The following TMEM178B variants were observed in gnomAD, a reference collection of about 807,000 sequenced individuals.
TMEM178B encodes transmembrane protein 178B.
Under a neutral mutation model 31.0 loss-of-function variants are expected in TMEM178B, and 5 were observed. That is an observed-to-expected ratio of 0.16 (90% CI 0.08 to 0.34). The LOEUF (loss-of-function observed/expected upper bound fraction) is 0.34. Among genes scored for constraint, TMEM178B ranks in the 10% least tolerant of loss-of-function variants. TMEM178B has a pLI of 1.00. For synonymous variants in TMEM178B, 164 were observed against 164.0 expected (o/e 1.00, Z 0.00); for missense variants, 275 against 400.3 (o/e 0.69, Z 2.67).
intron 1 of TMEM178B, among the ~76,000 whole-genome samples, chr7:141,094,535 T>G (rs1218149152): frequency 6.6e-6 from 1 of 152,192 alleles, no homozygotes; most frequent in Non-Finnish European, 1.5e-5. Flanking sequence ...GGTGATTGGT[T>G]GGACATTCTG....
intron 1 of TMEM178B, among the ~76,000 whole-genome samples, chr7:141,104,025 T>C (rs890804617): frequency 1.3e-5 from 2 of 152,222 alleles, no homozygotes; most frequent in African/African-American, 4.8e-5. Context: ...TGTTCTCACC[T>C]ACCCCCTGCC....
chr7:141,302,509 C>T (rs533150560), intron 2 of TMEM178B, among the ~76,000 whole-genome samples: 4 of 151,878 alleles, frequency 2.6e-5, no homozygotes, highest in Non-Finnish European at 5.9e-5. Flanking sequence ...AGGGAATGGG[C>T]AGTTATTGTT....
At chr7:141,349,968 C>G (rs549787233) in intron 2 of TMEM178B, among the ~76,000 whole-genome samples, 72 of 113,576 alleles carry the variant, frequency 6.3e-4, no homozygotes, top group Middle Eastern at 5.1e-3. Flanking sequence ...TCCATCCATC[C>G]ATCCATCCAT....
At chr7:141,127,187 C>T (rs191683022) in intron 1 of TMEM178B, among the ~76,000 whole-genome samples, 8 of 152,238 alleles carry the variant, frequency 5.3e-5, no homozygotes, top group Admixed American at 4.6e-4. Flanking sequence ...TGCAAGGGAT[C>T]GAGCTCTTTT....
At chr7:141,168,629 G>A (rs983980234) in intron 1 of TMEM178B, among the ~76,000 whole-genome samples, 8 of 152,070 alleles carry the variant, frequency 5.3e-5, no homozygotes, top group Non-Finnish European at 4.4e-5. Context: ...AATTACCTGG[G>A]TGTGGTGGCG....
At chr7:141,278,507 C>T (rs566909517) in intron 2 of TMEM178B, among the ~76,000 whole-genome samples, 3 of 150,766 alleles carry the variant, frequency 2.0e-5, no homozygotes, top group South Asian at 2.1e-4. Context: ...TGCTTGAACT[C>T]GGGAGGCGGA....
At chr7:141,272,848 T>C (rs540883930) in intron 2 of TMEM178B, among the ~76,000 whole-genome samples, 1 of 152,394 alleles carries the variant, frequency 6.6e-6, no homozygotes, top group South Asian at 2.1e-4. Context: ...CCTACCGTTC[T>C]ATCTAGCAAT....
At chr7:141,164,048 T>G (rs2129182000) in intron 1 of TMEM178B, among the ~76,000 whole-genome samples, 1 of 152,312 alleles carries the variant, frequency 6.6e-6, no homozygotes, top group African/African-American at 2.4e-5. Flanking sequence ...GTTTTTAGGT[T>G]ATTAGTGACC....
intron 1 of TMEM178B, among the ~76,000 whole-genome samples, chr7:141,205,463 C>G (rs7807758): frequency 0.66 from 100,441 of 151,976 alleles, 33,646 homozygotes; most frequent in Middle Eastern, 0.7. Context: ...CCTTTGCCTT[C>G]GGTGCTTCAT....
intron 2 of TMEM178B, among the ~76,000 whole-genome samples, chr7:141,249,128 C>T (rs1215897714): frequency 6.6e-6 from 1 of 152,152 alleles, no homozygotes; most frequent in Non-Finnish European, 1.5e-5. Context: ...ACCCAAATCT[C>T]ATCTTGAATT....
chr7:141,194,028 G>A (rs1796740364), intron 1 of TMEM178B, among the ~76,000 whole-genome samples: 2 of 152,178 alleles, frequency 1.3e-5, no homozygotes, highest in South Asian at 4.1e-4. Context: ...CACAAGAATA[G>A]CATGGGAAAG....
intron 2 of TMEM178B, among the ~76,000 whole-genome samples, chr7:141,425,598 A>G (rs1801298114): frequency 6.6e-6 from 1 of 152,106 alleles, no homozygotes; most frequent in African/African-American, 2.4e-5. Flanking sequence ...GAAAGGGGCC[A>G]TTCTTGTGAG....
intron 2 of TMEM178B, among the ~76,000 whole-genome samples, chr7:141,307,173 A>G (rs1012322291): frequency 1.5e-5 from 1 of 65,410 alleles, no homozygotes; most frequent in African/African-American, 1.2e-4. Flanking sequence ...TACCATTTTT[A>G]TATCACTTTT....
At chr7:141,446,300 G>A (rs1181758) in intron 3 of TMEM178B, among the ~76,000 whole-genome samples, 122,009 of 152,146 alleles carry the variant, frequency 0.8, 49,191 homozygotes, top group African/African-American at 0.87. Context: ...GCCTTATCCA[G>A]ATGAATCCAA....
chr7:141,484,764 G>A (rs1456534891), downstream of TMEM178B, among the ~76,000 whole-genome samples: 6 of 152,028 alleles, frequency 3.9e-5, no homozygotes, highest in East Asian at 1.9e-4. The surrounding 1 kb of genome is among the most constrained non-coding windows in gnomAD (Gnocchi z 4.8). Flanking sequence ...ATTTCACCAT[G>A]TTGGCCAGGC....
intron 2 of TMEM178B, among the ~76,000 whole-genome samples, chr7:141,418,487 A>C (rs1359667613): frequency 6.6e-6 from 1 of 152,206 alleles, no homozygotes; most frequent in Non-Finnish European, 1.5e-5. Flanking sequence ...TTGCAGTTGA[A>C]GGTTTTATGA....
At chr7:141,510,781 G>A in the TMEM178B span, among the ~76,000 whole-genome samples, 2 of 149,094 alleles carry the variant, frequency 1.3e-5, no homozygotes, top group African/African-American at 4.9e-5. Flanking sequence ...AAAACCCTTG[G>A]TTTCCAAAGC....
intron 3 of TMEM178B, among the ~76,000 whole-genome samples, chr7:141,457,857 T>G (rs1261890725): frequency 6.6e-6 from 1 of 152,234 alleles, no homozygotes; most frequent in Non-Finnish European, 1.5e-5. Flanking sequence ...GATTTTGATG[T>G]ATAGGCATGG....
At chr7:141,173,314 C>G (rs909542689) in intron 1 of TMEM178B, 1 of 152,172 alleles carries the variant, frequency 6.6e-6, no homozygotes. Flanking sequence ...AATTTATATC[C>G]CCAGTACCTA....
Sources: gnomAD v4.1 joint callset for allele counts (sites outside exome capture counted in the v4.1 genomes callset) on GRCh38, gnomAD v4.1.1 for gene constraint, Gnocchi (gnomAD v3.1) non-coding constraint, MANE v1.5 for transcripts, NCBI Gene and HGNC (gene_info 2026-07-23, HGNC 2026-07-21) for gene names.